Variants in SLC24A2 observed in about 807,000 individuals in gnomAD.
The protein encoded by SLC24A2 is sodium/potassium/calcium exchanger 2.
Under a neutral mutation model 62.0 loss-of-function variants are expected in SLC24A2, and 36 were observed. The observed-to-expected ratio is 0.58, with a 90% CI of 0.44 to 0.77. The LOEUF is 0.77. Among genes scored for constraint, SLC24A2 ranks in the 30% least tolerant of loss-of-function variants. SLC24A2 has a pLI of 0.00. For synonymous variants in SLC24A2, 358 were observed against 294.0 expected (o/e 1.22, Z -2.23); for missense variants, 846 against 817.9 (o/e 1.03, Z -0.42).
chr9:19,709,319 A>G (rs1820638018), intron 2 of SLC24A2, among the ~76,000 whole-genome samples: 2 of 152,344 alleles, frequency 1.3e-5, no homozygotes, highest in East Asian at 3.9e-4. Flanking sequence ...ACTGTAAACT[A>G]GTTCAACTAT....
the SLC24A2 span, among the ~76,000 whole-genome samples, chr9:20,091,012 C>A: frequency 6.6e-6 from 1 of 151,696 alleles, no homozygotes; most frequent in African/African-American, 2.4e-5. Context: ...CAGAACCTAA[C>A]TGATCTGACA....
the SLC24A2 span, among the ~76,000 whole-genome samples, chr9:20,189,233 A>T: frequency 6.6e-6 from 1 of 152,074 alleles, no homozygotes; most frequent in Non-Finnish European, 1.5e-5. Flanking sequence ...TCCACACAAG[A>T]ATGCTCTCCC....
chr9:19,841,215 G>A, the SLC24A2 span, among the ~76,000 whole-genome samples: 11 of 152,236 alleles, frequency 7.2e-5, no homozygotes, highest in South Asian at 1.7e-3. Flanking sequence ...TTCTGGAGAA[G>A]AGACTAAAAA....
In SLC24A2 at chr9:19,541,464, A is replaced by T. The variant is rs372329444; in HGVS notation, c.1479+8673T>A. ...CTGCAGGTCTGTTGGAATACCCTGCAGTGTGAGGTGTCAGTGTGCCCCTGC... is the reference window on the plus strand; with the variant it reads ...CTGCAGGTCTGTTGGAATACCCTGCTGTGTGAGGTGTCAGTGTGCCCCTGC... On this transcript the variant is annotated intron_variant, in intron 8 of 10. Coordinates refer to ENST00000341998, the MANE Select transcript of SLC24A2 (RefSeq NM_020344.4). 2.6e-4 allele frequency among the ~76,000 whole-genome samples: 39 copies of T among 150,750 alleles called. No individual in the cohort carries two copies. The East Asian group carries it at 7.4e-3, about 29-fold the overall frequency.
chr9:19,698,260 T>G (rs1426853915), intron 2 of SLC24A2, among the ~76,000 whole-genome samples: 2 of 152,028 alleles, frequency 1.3e-5, no homozygotes, highest in Non-Finnish European at 2.9e-5. Context: ...CAGCCAAAAC[T>G]TTGTTTTATA....
chr9:20,234,837 T>G, the SLC24A2 span, among the ~76,000 whole-genome samples: 2 of 152,198 alleles, frequency 1.3e-5, no homozygotes, highest in Admixed American at 1.3e-4. Context: ...CTGCTCTGTT[T>G]TTTTCCCATC....
rs1823186269 is a variant in SLC24A2, at chr9:19,786,723, G to T, written c.144C>A (p.Ala48=). The change falls in exon 2 of 11, where the codon GCC becomes GCA. Residue 48 remains alanine (A), a synonymous_variant. Coordinates refer to ENST00000341998, the MANE Select transcript of SLC24A2 (RefSeq NM_020344.4). This position sits in a 1 kb window ranked among gnomAD's most constrained non-coding sequence, Gnocchi z 5.0. ...RVLGLFMGLV[A]ISTVSFSISA... ...TGATTGAAAATGAGACAGTGCTAATGGCTACCAGACCCATGAAAAGGCCTA... is the reference window on the plus strand; with the variant it reads ...TGATTGAAAATGAGACAGTGCTAATTGCTACCAGACCCATGAAAAGGCCTA... 4 of 1,609,334 alleles carry T rather than the reference G, an allele frequency of 2.5e-6. No homozygotes were observed. The highest frequency in any genetic ancestry group is 8.5e-7 in the Non-Finnish European group (1 of 1,177,186).
chr9:19,532,259 T>G (rs1833743256), intron 8 of SLC24A2, among the ~76,000 whole-genome samples: 1 of 152,100 alleles, frequency 6.6e-6, no homozygotes, highest in South Asian at 2.1e-4. Flanking sequence ...CATGCCCGGC[T>G]AATTTTTTGT....
intron 2 of SLC24A2, among the ~76,000 whole-genome samples, chr9:19,767,940 G>A (rs1436220449): frequency 6.6e-6 from 1 of 152,118 alleles, no homozygotes; most frequent in African/African-American, 2.4e-5. Context: ...TTGTTGGTGG[G>A]GACTGTCTGC....
chr9:19,845,397 A>C, the SLC24A2 span, among the ~76,000 whole-genome samples: 2 of 152,188 alleles, frequency 1.3e-5, no homozygotes, highest in Non-Finnish European at 2.9e-5. Context: ...GTTATTTATC[A>C]GTTCCAGGAG....
At chr9:20,238,389 A>C in the SLC24A2 span, among the ~76,000 whole-genome samples, 4 of 152,198 alleles carry the variant, frequency 2.6e-5, no homozygotes, top group Admixed American at 2.0e-4. Context: ...CTGCAGCAAC[A>C]TTTAAATTTC....
intron 2 of SLC24A2, among the ~76,000 whole-genome samples, chr9:19,739,416 G>C (rs1821607427): frequency 6.6e-6 from 1 of 152,148 alleles, no homozygotes; most frequent in Non-Finnish European, 1.5e-5. Flanking sequence ...ACAGAACTCA[G>C]TAATGTATAC....
chr9:20,245,341 A>G, the SLC24A2 span, among the ~76,000 whole-genome samples: 1 of 152,230 alleles, frequency 6.6e-6, no homozygotes, highest in South Asian at 2.1e-4. Context: ...GGAAACCTAC[A>G]CCTAGATGGT....
chr9:20,200,256 C>G, the SLC24A2 span, among the ~76,000 whole-genome samples: 4 of 152,180 alleles, frequency 2.6e-5, no homozygotes, highest in African/African-American at 9.7e-5. Context: ...CCACATATTT[C>G]CAGTGCCAAA....
the SLC24A2 span, among the ~76,000 whole-genome samples, chr9:20,182,287 A>G: frequency 6.6e-6 from 1 of 152,358 alleles, no homozygotes; most frequent in South Asian, 2.1e-4. Flanking sequence ...ATTACTGGGT[A>G]TATACCCAAA....
the SLC24A2 span, among the ~76,000 whole-genome samples, chr9:19,948,877 G>A: frequency 6.7e-6 from 1 of 150,130 alleles, no homozygotes; most frequent in Non-Finnish European, 1.5e-5. Context: ...TGAAAACAGA[G>A]CTAACAAAAG....
chr9:19,530,149 T>G (rs1488465825), intron 8 of SLC24A2, among the ~76,000 whole-genome samples: 2 of 149,042 alleles, frequency 1.3e-5, no homozygotes, highest in Non-Finnish European at 3.0e-5. Context: ...GAGCCAGTGC[T>G]AAGAGATGAA....
chr9:19,764,545 T>C (rs1822453006), intron 2 of SLC24A2, among the ~76,000 whole-genome samples: 1 of 152,222 alleles, frequency 6.6e-6, no homozygotes, highest in African/African-American at 2.4e-5. Context: ...ATTTCTGTCT[T>C]AATTTTGTTA....
chr9:19,633,872 T>G (rs537166716), intron 2 of SLC24A2, among the ~76,000 whole-genome samples: 5 of 152,214 alleles, frequency 3.3e-5, no homozygotes, highest in Admixed American at 3.3e-4. Flanking sequence ...CTGCAAATAT[T>G]TTCCCCCTGT....
Sources: allele counts gnomAD v4.1 joint callset (sites outside exome capture counted in the v4.1 genomes callset), GRCh38; gene constraint gnomAD v4.1.1; non-coding constraint Gnocchi (gnomAD v3.1); transcripts MANE v1.5; gene names NCBI Gene and HGNC (gene_info 2026-07-23, HGNC 2026-07-21).